The following AP2B1 variants were observed in gnomAD, a reference collection of about 807,000 sequenced individuals.
AP2B1 encodes the protein adaptor related protein complex 2 subunit beta 1.
Under a neutral mutation model 102.0 loss-of-function variants are expected in AP2B1, and 23 were observed. The observed-to-expected ratio is 0.23, with a 90% confidence interval of 0.16 to 0.32. The LOEUF is 0.32. AP2B1 is among the 10% of genes least tolerant of loss of function. The pLI, the probability that AP2B1 is intolerant of heterozygous loss-of-function variation, is 1.00. For synonymous variants in AP2B1, 381 were observed against 421.2 expected (o/e 0.90, Z 1.17); for missense variants, 541 against 1,157.4 (o/e 0.47, Z 7.73).
chr17:35,608,780 A>G (rs1303583460), intron 5 of AP2B1, among the ~76,000 whole-genome samples: 2 of 152,170 alleles, frequency 1.3e-5, no homozygotes, highest in Non-Finnish European at 2.9e-5. Flanking sequence ...TTTATTACCT[A>G]ATTATTATCA....
intron 14 of AP2B1, among the ~76,000 whole-genome samples, chr17:35,669,762 A>C (rs995598265): frequency 6.6e-6 from 1 of 152,236 alleles, no homozygotes. Context: ...AAGATGCAAA[A>C]TAATTTTTAC....
At chr17:35,631,791 A>G (rs765362064) in intron 9 of AP2B1, among the ~76,000 whole-genome samples, 2 of 152,216 alleles carry the variant, frequency 1.3e-5, no homozygotes, top group Non-Finnish European at 2.9e-5. Flanking sequence ...GTTGAAGTGA[A>G]CATTTTTTCA....
intron 14 of AP2B1, among the ~76,000 whole-genome samples, chr17:35,661,715 A>G (rs137969205): frequency 2.7e-3 from 418 of 152,286 alleles, no homozygotes; most frequent in African/African-American, 9.1e-3. Flanking sequence ...ACCATTTTCT[A>G]TTCTTCTATC....
chr17:35,647,372 A>C (rs751639710), intron 12 of AP2B1, among the ~76,000 whole-genome samples: 3 of 152,122 alleles, frequency 2.0e-5, no homozygotes, highest in Admixed American at 6.6e-5. Flanking sequence ...TTAGGAGCAA[A>C]TTAGTCCCTC....
intron 9 of AP2B1, among the ~76,000 whole-genome samples, chr17:35,632,388 G>T (rs761304486): frequency 2.0e-5 from 3 of 152,096 alleles, no homozygotes; most frequent in Admixed American, 6.5e-5. Context: ...ACCCGCCTTG[G>T]CCTCCCAAAA....
chr17:35,588,352 G>A (rs149674715), intron 1 of AP2B1, among the ~76,000 whole-genome samples: 30 of 152,086 alleles, frequency 2.0e-4, no homozygotes, highest in Non-Finnish European at 3.5e-4. Flanking sequence ...GTGTAGCCCA[G>A]TCTGGTCTCG....
Position 35,629,748 on chromosome 17 carries a change from G to A in AP2B1, c.1155+2022G>A, listed in dbSNP as rs561411543. 3.3e-5 allele frequency among the ~76,000 whole-genome samples: 5 copies of A among 152,272 alleles called. No homozygotes were observed. In the South Asian group the frequency reaches 6.2e-4, roughly 19 times the overall value. ...GTCGACTATCAGGTTTCTGCTTTAG[G>A]GAAGGGGGTTTATCTTTACATGGAA... On this transcript the variant is annotated intron_variant, in intron 9 of 21. Coordinates refer to ENST00000610402, the MANE Select transcript of AP2B1 (RefSeq NM_001030006.2).
chr17:35,723,612 T>G lies in AP2B1; in HGVS notation c.2782-13T>G. On this transcript the variant is annotated splice_polypyrimidine_tract_variant and intron_variant, in intron 21 of 21. Coordinates refer to ENST00000610402, the MANE Select transcript of AP2B1 (RefSeq NM_001030006.2). ...CTCTGTGCTAATCTTCCATCTCCTT[T>G]TTCTCCTAACAGCTGTCACTGAAGT... is the stretch of plus-strand genomic sequence containing the variant. 1 of 1,591,890 alleles carries G rather than the reference T, an allele frequency of 6.3e-7. No homozygotes were observed. Among genetic ancestry groups the G allele is most frequent in the Non-Finnish European group, 8.6e-7 (1 of 1,159,876 alleles).
chr17:35,616,204 G>A (rs532562447), intron 5 of AP2B1, among the ~76,000 whole-genome samples: 5 of 117,040 alleles, frequency 4.3e-5, no homozygotes, highest in East Asian at 2.9e-4. Context: ...TCGCTCAGTC[G>A]CCCAGGCTGG....
chr17:35,702,312 T>G (rs2076254485), intron 18 of AP2B1, among the ~76,000 whole-genome samples: 1 of 152,194 alleles, frequency 6.6e-6, no homozygotes. Flanking sequence ...TAATATTTGG[T>G]TAAAGCAAAG....
At position 35,611,489 on chromosome 17, in the gene AP2B1, G is replaced by A. The variant is rs556282903; in HGVS notation, c.525+3102G>A. Among the ~76,000 whole-genome samples, 36 of 152,160 alleles carry A rather than the reference G, an allele frequency of 2.4e-4. 2 individuals are homozygous for A. The highest frequency in any genetic ancestry group is 1.4e-3 in the East Asian group (7 of 5,176). On this transcript the variant is annotated intron_variant, in intron 5 of 21. Coordinates refer to ENST00000610402, the MANE Select transcript of AP2B1 (RefSeq NM_001030006.2). The stretch of plus-strand genomic sequence containing the variant: ...CGTGTGTGTGTGTGTGTGCGCGCGC[G>A]CACGTGCGCACACACACTCAAGTAG...
chr17:35,662,665 A>G (rs1490977623), intron 14 of AP2B1, among the ~76,000 whole-genome samples: 1 of 151,242 alleles, frequency 6.6e-6, no homozygotes, highest in Non-Finnish European at 1.5e-5. Flanking sequence ...GCCCATGTGT[A>G]TAACTCTTGC....
At chr17:35,708,272 G>A (rs1555585785) in intron 18 of AP2B1, among the ~76,000 whole-genome samples, 1 of 152,212 alleles carries the variant, frequency 6.6e-6, no homozygotes, top group Non-Finnish European at 1.5e-5. Context: ...AGATAGGAAA[G>A]TCATTAGTGA....
intron 12 of AP2B1, among the ~76,000 whole-genome samples, chr17:35,649,584 T>G (rs2075035140): frequency 1.3e-5 from 2 of 152,124 alleles, no homozygotes; most frequent in African/African-American, 4.8e-5. Context: ...TTTAAAAAAT[T>G]TTTATGTCCT....
At chr17:35,625,944 G>T (rs1462240094) in intron 6 of AP2B1, among the ~76,000 whole-genome samples, 1 of 152,028 alleles carries the variant, frequency 6.6e-6, no homozygotes, top group Admixed American at 6.6e-5. Context: ...ACCAAAATTG[G>T]ATTAATTTCT....
In AP2B1 at chr17:35,598,990, A is replaced by T. The variant is rs536852308; in HGVS notation, c.143+655A>T. Among the ~76,000 whole-genome samples the T allele has an allele frequency of 8.3e-4, 127 of 152,370 alleles. 2 individuals are homozygous for T. Among genetic ancestry groups the T allele is most frequent in the African/African-American group, 2.8e-3 (117 of 41,590 alleles). On this transcript the variant is annotated intron_variant, in intron 3 of 21. Coordinates refer to ENST00000610402, the MANE Select transcript of AP2B1 (RefSeq NM_001030006.2). ...TGGTGGGTAAAACTGCTGGTGCCTC[A>T]GCATGAATGAAGGCAGTGGTGCCAA... is the stretch of plus-strand genomic sequence containing the variant.
intron 21 of AP2B1, among the ~76,000 whole-genome samples, chr17:35,720,659 C>T (rs1347614165): frequency 3.6e-5 from 5 of 139,736 alleles, no homozygotes; most frequent in Admixed American, 2.3e-4. Context: ...TGGCCTTGAG[C>T]GATCCTCCCA....
chr17:35,620,755 T>G (rs963723094), intron 5 of AP2B1, among the ~76,000 whole-genome samples: 2 of 152,092 alleles, frequency 1.3e-5, no homozygotes, highest in African/African-American at 4.8e-5. Flanking sequence ...AGTTTGAGAT[T>G]ACAGTGAGCT....
chr17:35,669,648 CA>C (rs1412709104), intron 14 of AP2B1, among the ~76,000 whole-genome samples: 5 of 152,272 alleles, frequency 3.3e-5, no homozygotes, highest in Non-Finnish European at 1.5e-5. Context: ...TTGTAGTCGT[CA>C]CTATTTTTCA....
Sources: gnomAD v4.1 joint callset for allele counts (sites outside exome capture counted in the v4.1 genomes callset) on GRCh38, gnomAD v4.1.1 for gene constraint, MANE v1.5 for transcripts, NCBI Gene and HGNC (gene_info 2026-07-23, HGNC 2026-07-21) for gene names.